PCDH9: variants seen among roughly 807,000 people sequenced by gnomAD.
PCDH9 encodes the protein protocadherin 9.
PCDH9 carries 24 observed loss-of-function variants against 70.6 expected under a neutral mutation model. That is an observed-to-expected ratio of 0.34 (90% CI 0.25 to 0.48). PCDH9 has a LOEUF of 0.48. PCDH9 is among the 20% of genes least tolerant of loss of function. The pLI, the probability that PCDH9 is intolerant of heterozygous loss-of-function variation, is 0.99. For synonymous variants in PCDH9, 562 were observed against 558.5 expected, an observed-to-expected ratio of 1.01 and a Z score of -0.09; for missense variants, 1,281 against 1,503.6, an observed-to-expected ratio of 0.85 and a Z score of 2.45.
intron 3 of PCDH9, among the ~76,000 whole-genome samples, chr13:66,869,589 T>G (rs1346965190): frequency 6.6e-6 from 1 of 152,182 alleles, no homozygotes; most frequent in Non-Finnish European, 1.5e-5. Flanking sequence ...AACATAATTA[T>G]TTTGAACAAT....
intron 2 of PCDH9, among the ~76,000 whole-genome samples, chr13:66,950,432 T>C (rs2083160529): frequency 1.3e-5 from 2 of 152,114 alleles, no homozygotes; most frequent in Admixed American, 6.6e-5. Flanking sequence ...GTTGAGATAA[T>C]TTATGTAAAT....
intron 2 of PCDH9, among the ~76,000 whole-genome samples, chr13:67,175,191 G>A (rs1271483364): frequency 6.6e-6 from 1 of 152,068 alleles, no homozygotes; most frequent in East Asian, 1.9e-4. Context: ...TGGACAATAT[G>A]TGTTTATTCC....
chr13:67,057,427 G>A (rs941607635), intron 2 of PCDH9, among the ~76,000 whole-genome samples: 16 of 152,034 alleles, frequency 1.1e-4, no homozygotes, highest in African/African-American at 3.9e-4. Flanking sequence ...AGGATAACGC[G>A]CCTCGGATTT....
At chr13:67,171,363 A>G (rs2088280061) in intron 2 of PCDH9, among the ~76,000 whole-genome samples, 1 of 152,192 alleles carries the variant, frequency 6.6e-6, no homozygotes, top group South Asian at 2.1e-4. Context: ...GTCTAACCTC[A>G]TTAACAGCAG....
At chr13:66,451,355 A>G (rs556817755) in intron 4 of PCDH9, among the ~76,000 whole-genome samples, 1 of 152,326 alleles carries the variant, frequency 6.6e-6, no homozygotes, top group African/African-American at 2.4e-5. Context: ...TTTACCTAAT[A>G]TGATTATTGC....
intron 2 of PCDH9, among the ~76,000 whole-genome samples, chr13:67,170,540 T>C (rs914896927): frequency 6.6e-6 from 1 of 151,688 alleles, no homozygotes; most frequent in Non-Finnish European, 1.5e-5. Context: ...AAGACCATCC[T>C]ATAAGAATTA....
At chr13:66,334,540 C>G (rs1956001568) in intron 4 of PCDH9, among the ~76,000 whole-genome samples, 1 of 152,002 alleles carries the variant, frequency 6.6e-6, no homozygotes, top group Non-Finnish European at 1.5e-5. Flanking sequence ...CTCCAGCCTG[C>G]CCTCCTTCCA....
rs373835682 is a variant in PCDH9 at position 66,649,423 on chromosome 13, GA to G, written c.3139-18013del. Among the ~76,000 whole-genome samples, 224 of 150,106 alleles carry G rather than the reference GA, an allele frequency of 1.5e-3. 1 individual carries two copies. The highest frequency in any genetic ancestry group is 0.012 in the East Asian group (62 of 5,142). ...GGCATGACATATTTGAAGTGCAAAA[GA>G]AAAAAAAACTTTTATCCTAGAACAG... On this transcript the variant is annotated intron_variant, in intron 3 of 4. Transcript: ENST00000377865.
Position 67,016,785 on chromosome 13 carries a change from T to C in PCDH9, c.3037-113180A>G, listed in dbSNP as rs567597831. Among the ~76,000 whole-genome samples, 6 of 152,354 alleles carry C rather than the reference T, an allele frequency of 3.9e-5. No homozygotes were observed. In the East Asian group the frequency reaches 5.8e-4, roughly 15 times the overall value. ...AATAGTCTTATATAATGATTTGATA[T>C]GAAAAGCATTTGCTCTTTTGTATTA... is the stretch of plus-strand genomic sequence containing the variant. On this transcript the variant is annotated intron_variant, in intron 2 of 4. Coordinates refer to ENST00000377865, the MANE Select transcript of PCDH9 (RefSeq NM_203487.3).
At position 66,451,960 on chromosome 13, in the gene PCDH9, TG is replaced by T. The variant is rs148278520; in HGVS notation, c.3341-146933del. ...CAATATTTCCTGCAGCGTTTTTGCT[TG>T]CTTGTTTTTAAATCCGGGCTGAGGT... is the stretch of plus-strand genomic sequence containing the variant. On this transcript the variant is annotated intron_variant, in intron 4 of 4. Coordinates refer to ENST00000377865, the MANE Select transcript of PCDH9 (RefSeq NM_203487.3). Among the ~76,000 whole-genome samples, 641 of 152,312 alleles carry T rather than the reference TG, an allele frequency of 4.2e-3. 22 individuals carry two copies. The East Asian group carries it at 0.082, about 20-fold the overall frequency.
chr13:66,510,406 A>T (rs1959409923), intron 4 of PCDH9, among the ~76,000 whole-genome samples: 1 of 152,048 alleles, frequency 6.6e-6, no homozygotes, highest in South Asian at 2.1e-4. Flanking sequence ...ACATGTGTAC[A>T]ACGTGCAGGT....
At chr13:67,028,611 A>G (rs1313780977) in intron 2 of PCDH9, among the ~76,000 whole-genome samples, 2 of 152,016 alleles carry the variant, frequency 1.3e-5, no homozygotes, top group Admixed American at 1.3e-4. Context: ...ACACATCAAG[A>G]AAACAAAAAA....
intron 3 of PCDH9, among the ~76,000 whole-genome samples, chr13:66,870,792 A>C (rs1240260635): frequency 6.6e-6 from 1 of 152,270 alleles, no homozygotes; most frequent in East Asian, 1.9e-4. Context: ...TGGTGGTGGG[A>C]CTGTAAACTA....
chr13:66,403,665 T>G (rs1957229144), intron 4 of PCDH9, among the ~76,000 whole-genome samples: 1 of 151,968 alleles, frequency 6.6e-6, no homozygotes, highest in Non-Finnish European at 1.5e-5. Context: ...AACAGAAAAT[T>G]TTAGAATACA....
intron 4 of PCDH9, among the ~76,000 whole-genome samples, chr13:66,372,450 A>G (rs1234901377): frequency 6.6e-6 from 1 of 151,806 alleles, no homozygotes; most frequent in African/African-American, 2.4e-5. Context: ...GAAGATCAGA[A>G]AGTAAAAAGT....
rs759655789 is a variant in PCDH9, at chr13:67,092,417, T to C, written c.3036+132988A>G. Among the ~76,000 whole-genome samples the C allele has an allele frequency of 2.8e-4, 43 of 152,150 alleles. 1 individual carries two copies. Among genetic ancestry groups the C allele is most frequent in the Admixed American group, 2.6e-4 (4 of 15,270 alleles). ...TTTTTATTAATTTCCTTGTGAAACATATGTTGGATTGCAAAGAAAAGTACT... is the reference window on the plus strand; with the variant it reads ...TTTTTATTAATTTCCTTGTGAAACACATGTTGGATTGCAAAGAAAAGTACT... On this transcript the variant is annotated intron_variant, in intron 2 of 4. Transcript: ENST00000377865.
At chr13:66,376,988 A>C (rs994914190) in intron 4 of PCDH9, among the ~76,000 whole-genome samples, 5 of 152,198 alleles carry the variant, frequency 3.3e-5, no homozygotes, top group African/African-American at 9.7e-5. Context: ...CAAAATAATA[A>C]AAAAATCTGT....
chr13:66,403,065 G>T (rs911305153), intron 4 of PCDH9, among the ~76,000 whole-genome samples: 1 of 150,374 alleles, frequency 6.7e-6, no homozygotes, highest in Non-Finnish European at 1.5e-5. Context: ...AAAGACAGGA[G>T]AATTATTGGT....
chr13:66,346,031 C>A (rs1053394643), intron 4 of PCDH9, among the ~76,000 whole-genome samples: 1 of 152,036 alleles, frequency 6.6e-6, no homozygotes, highest in Non-Finnish European at 1.5e-5. Context: ...TGGTAAATAG[C>A]TAATGGAAAA....
Sources: allele counts gnomAD v4.1 joint callset (sites outside exome capture counted in the v4.1 genomes callset), GRCh38; gene constraint gnomAD v4.1.1; transcripts MANE v1.5; gene names NCBI Gene and HGNC (gene_info 2026-07-23, HGNC 2026-07-21).